Variants in PPARGC1B observed in about 807,000 individuals in gnomAD.
PPARGC1B encodes peroxisome proliferator-activated receptor gamma coactivator 1-beta.
PPARGC1B carries 34 observed loss-of-function variants against 101.6 expected under a neutral mutation model. The ratio of observed to expected loss-of-function variants is 0.33; its 90% confidence interval spans 0.25 to 0.45. The LOEUF (loss-of-function observed/expected upper bound fraction) is 0.45, where lower values mean the gene tolerates loss of function less well. Among genes scored for constraint, PPARGC1B ranks in the 20% least tolerant of loss-of-function variants. The pLI is 1.00. For synonymous variants in PPARGC1B, 548 were observed against 539.3 expected (o/e 1.02, Z -0.22); for missense variants, 1,234 against 1,317.6 (o/e 0.94, Z 0.98).
At chr5:149,779,400 C>T (rs1029774388) in intron 1 of PPARGC1B, among the ~76,000 whole-genome samples, 11 of 152,182 alleles carry the variant, frequency 7.2e-5, no homozygotes, top group Non-Finnish European at 1.5e-5. Context: ...AGTTTTGAAA[C>T]CCCCATCTTC....
chr5:149,845,629 C>A, intron 10 of PPARGC1B, 131 bp from the exon 11 acceptor site: 1 of 912,600 alleles, frequency 1.1e-6, no homozygotes, highest in Non-Finnish European at 1.7e-6. Flanking sequence ...TCATCATCAT[C>A]TCTATCTAGG....
rs111915127 is a variant in PPARGC1B at position 149,749,433 on chromosome 5, A to G, written c.78+19013A>G. Among the ~76,000 whole-genome samples, 20 of 152,324 alleles carry G rather than the reference A, an allele frequency of 1.3e-4. 2 individuals carry two copies. The highest frequency in any genetic ancestry group is 4.8e-4 in the African/African-American group (20 of 41,572). On this transcript the variant is annotated intron_variant, in intron 1 of 11. Transcript: ENST00000309241. The stretch of plus-strand genomic sequence containing the variant: ...GCCCTTCAGATCTGCCTGGTTGAGA[A>G]GAGAGATGTTTTTTGAATGGAGCCC...
intron 1 of PPARGC1B, among the ~76,000 whole-genome samples, chr5:149,779,935 A>G (rs955467916): frequency 2.0e-5 from 3 of 152,198 alleles, no homozygotes; most frequent in African/African-American, 7.2e-5. Context: ...GGTCTGCACA[A>G]GATCTCTCCT....
chr5:149,733,809 C>G (rs945334216), intron 1 of PPARGC1B, among the ~76,000 whole-genome samples: 4 of 152,170 alleles, frequency 2.6e-5, no homozygotes, highest in African/African-American at 9.7e-5. Flanking sequence ...GGGCATCAGT[C>G]ATAGATGCAC....
intron 1 of PPARGC1B, among the ~76,000 whole-genome samples, chr5:149,750,450 T>TAA (rs1491388424): frequency 9.7e-5 from 8 of 82,082 alleles, no homozygotes; most frequent in Admixed American, 1.4e-4. Flanking sequence ...CTGTTTTAGT[T>TAA]AAAATATATA....
At chr5:149,796,710 G>T (rs183166409) in intron 1 of PPARGC1B, among the ~76,000 whole-genome samples, 62 of 152,248 alleles carry the variant, frequency 4.1e-4, no homozygotes, top group Admixed American at 4.0e-3. Context: ...CTGATGGATG[G>T]CATGTGAGGG....
At chr5:149,771,811 G>C (rs1756142028) in intron 1 of PPARGC1B, 2 of 319,944 alleles carry the variant, frequency 6.3e-6, no homozygotes, top group Non-Finnish European at 1.1e-5. Context: ...CTGGAGGTGG[G>C]GTGAGGTGGG....
intron 1 of PPARGC1B, among the ~76,000 whole-genome samples, chr5:149,761,168 G>A (rs1396604309): frequency 3.3e-5 from 5 of 152,056 alleles, no homozygotes; most frequent in African/African-American, 1.2e-4. Flanking sequence ...TTTGATGTAT[G>A]TATATACTGT....
chr5:149,757,494 T>C (rs1243888730), intron 1 of PPARGC1B, among the ~76,000 whole-genome samples: 1 of 152,052 alleles, frequency 6.6e-6, no homozygotes, highest in African/African-American at 2.4e-5. Flanking sequence ...TTGAAATGAG[T>C]AAAATCTACA....
chr5:149,827,831 G>A (rs573732417), intron 3 of PPARGC1B, among the ~76,000 whole-genome samples: 15 of 152,318 alleles, frequency 9.8e-5, no homozygotes, highest in Non-Finnish European at 1.3e-4. Context: ...GGAAGCAGTC[G>A]CTCTCAATCC....
intron 1 of PPARGC1B, among the ~76,000 whole-genome samples, chr5:149,744,467 A>G (rs1482930753): frequency 2.0e-5 from 3 of 152,184 alleles, no homozygotes; most frequent in South Asian, 2.1e-4. Context: ...ATACATTACT[A>G]TGTGAAAGCG....
intron 1 of PPARGC1B, chr5:149,818,937 C>T (rs1758163210): frequency 2.2e-6 from 1 of 453,678 alleles, no homozygotes; most frequent in Non-Finnish European, 4.4e-6. Flanking sequence ...CAACTCACTT[C>T]TGCCAGGCCC....
At chr5:149,826,635 C>T (rs1226443755) in intron 2 of PPARGC1B, 38 bp from the exon 3 acceptor site, 2 of 1,501,288 alleles carry the variant, frequency 1.3e-6, no homozygotes, top group East Asian at 4.5e-5. Flanking sequence ...ACCATCTCCC[C>T]ATCTGCCTTT....
intron 1 of PPARGC1B, among the ~76,000 whole-genome samples, chr5:149,775,511 G>A (rs553401400): frequency 2.8e-4 from 43 of 152,236 alleles, no homozygotes; most frequent in African/African-American, 9.9e-4. Context: ...CAGCACCCAT[G>A]GCAGACAGAA....
At chr5:149,805,173 A>G (rs1035072064) in intron 1 of PPARGC1B, among the ~76,000 whole-genome samples, 7 of 152,204 alleles carry the variant, frequency 4.6e-5, no homozygotes, top group South Asian at 2.1e-4. Flanking sequence ...TCAAAGTCAC[A>G]TAGATAACAT....
intron 1 of PPARGC1B, among the ~76,000 whole-genome samples, chr5:149,750,823 G>A (rs1158956420): frequency 1.3e-5 from 2 of 152,224 alleles, no homozygotes; most frequent in Admixed American, 6.5e-5. Context: ...GGGACTGACC[G>A]GCAGGTCCAA....
intron 1 of PPARGC1B, among the ~76,000 whole-genome samples, chr5:149,809,112 A>AC (rs1468256299): frequency 3.0e-4 from 40 of 135,424 alleles, no homozygotes; most frequent in Admixed American, 1.5e-3. Context: ...CCCTATCTCC[A>AC]CCTTAGATAG....
chr5:149,814,481 G>A (rs1452940855), intron 1 of PPARGC1B, among the ~76,000 whole-genome samples: 2 of 152,152 alleles, frequency 1.3e-5, no homozygotes, highest in African/African-American at 4.8e-5. Context: ...AGGGGTCAGT[G>A]AGGACCAGAG....
intron 1 of PPARGC1B, among the ~76,000 whole-genome samples, chr5:149,752,262 C>A (rs1407115785): frequency 6.6e-6 from 1 of 152,194 alleles, no homozygotes; most frequent in African/African-American, 2.4e-5. Context: ...GTGGGGAAGG[C>A]ATTTAAACTC....
Sources: gnomAD v4.1 joint callset for allele counts (sites outside exome capture counted in the v4.1 genomes callset) on GRCh38, gnomAD v4.1.1 for gene constraint, MANE v1.5 for transcripts, NCBI Gene and HGNC (gene_info 2026-07-23, HGNC 2026-07-21) for gene names.